The following H3C8 variants were observed in gnomAD, a reference collection of about 807,000 sequenced individuals.
H3C8 encodes the protein histone H3.1.
In H3C8, 15 loss-of-function variants were observed where a neutral mutation model predicts 7.9. The observed-to-expected ratio is 1.90, with a 90% confidence interval of 1.27 to 2.93. The LOEUF (loss-of-function observed/expected upper bound fraction) is 2.93. H3C8 is among the 30% of genes most tolerant of loss of function. H3C8 has a pLI of 0.00. For synonymous variants in H3C8, 143 were observed against 77.6 expected (o/e 1.84, Z -4.43); for missense variants, 230 against 190.4 (o/e 1.21, Z -1.23).
In H3C8 at chr6:26,271,298, G is replaced by A. The variant is rs760606364; in HGVS notation, c.87C>T (p.Ser29=). 6.8e-6 allele frequency: 11 copies of A among 1,613,826 alleles called. No individual in the cohort carries two copies. Among genetic ancestry groups the A allele is most frequent in the Middle Eastern group, 1.6e-4 (1 of 6,082 alleles). Residue 29 remains serine, a synonymous_variant, in exon 1 of 1, where the codon AGC becomes AGT. Transcript: ENST00000614378. The stretch of plus-strand genomic sequence containing the variant: ...TCTTCACGCCGCCGGTGGCCGGCGC[G>A]CTTTTCCGAGCCGCCTTAGTGGCCA... ...KQLATKAARK[S]APATGGVKKP...
In H3C8 at chr6:26,271,255, G is replaced by T; in HGVS notation, c.130C>A (p.Pro44Thr). Residue 44 changes from proline (P) to threonine (T), a missense_variant, in exon 1 of 1, where the codon CCC becomes ACC. Coordinates refer to ENST00000614378, the MANE Select transcript of H3C8 (RefSeq NM_003534.3). ...ATCTCGCGCAGAGCCACGGTGCCGG[G>T]ACGGTAGCGATGAGGTTTCTTCACG... ...GGVKKPHRYRPGTVALREIRR... is the reference protein window; with the variant it reads ...GGVKKPHRYRTGTVALREIRR... The T allele has an allele frequency of 6.2e-7, 1 of 1,614,238 alleles. No individual in the cohort carries two copies. Among genetic ancestry groups the T allele is most frequent in the Non-Finnish European group, 8.5e-7 (1 of 1,180,036 alleles).
At position 26,271,288 on chromosome 6, in the gene H3C8, T is replaced by A. The variant is rs1373122224; in HGVS notation, c.97A>T (p.Thr33Ser). The change falls in exon 1 of 1, where the codon ACC becomes TCC. Residue 33 changes from threonine to serine, a missense_variant. Coordinates refer to ENST00000614378, the MANE Select transcript of H3C8 (RefSeq NM_003534.3). ...TKAARKSAPA[T>S]GGVKKPHRYR... ...CGATGAGGTTTCTTCACGCCGCCGG[T>A]GGCCGGCGCGCTTTTCCGAGCCGCC... 6.2e-7 allele frequency: 1 copy of A among 1,613,984 alleles called. No homozygotes were observed. The highest frequency in any genetic ancestry group is 2.2e-5 in the East Asian group (1 of 44,882).
Position 26,271,228 on chromosome 6 carries a change from G to C in H3C8, c.157C>G (p.Arg53Gly). 6.2e-7 allele frequency: 1 copy of C among 1,614,268 alleles called. No individual in the cohort carries two copies. Among genetic ancestry groups the C allele is most frequent in the Non-Finnish European group, 8.5e-7 (1 of 1,180,042 alleles). ...RPGTVALREI[R>G]RYQKSTELLI... Reference sequence around the variant, plus strand: ...AGCTCAGTCGACTTCTGATAGCGGCGAATCTCGCGCAGAGCCACGGTGCCG... The same window carrying C: ...AGCTCAGTCGACTTCTGATAGCGGCCAATCTCGCGCAGAGCCACGGTGCCG... Residue 53 changes from arginine (R) to glycine (G), a missense_variant, in exon 1 of 1, where the codon CGC becomes GGC. Physicochemically the swap from Arg to Gly is moderately radical, Grantham distance 125 (BLOSUM62 -2). Transcript: ENST00000614378.
rs776947316 is a variant in H3C8 at position 26,271,007 on chromosome 6, C to T, written c.378G>A (p.Gln126=). The stretch of plus-strand genomic sequence containing the variant: ...TCTCCCCACGAATGCGGCGAGCGAG[C>T]TGAATGTCCTTGGGCATGATAGTCA... ...KRVTIMPKDI[Q]LARRIRGERA Residue 126 remains glutamine (Q), a synonymous_variant, in exon 1 of 1, where the codon CAG becomes CAA. Transcript: ENST00000614378. 6.2e-7 allele frequency: 1 copy of T among 1,614,092 alleles called. No homozygotes were observed. Among genetic ancestry groups the T allele is most frequent in the African/African-American group, 1.3e-5 (1 of 74,946 alleles).
At position 26,270,964 on chromosome 6, in the gene H3C8, C is replaced by T. The variant is rs1485976802; in HGVS notation, c.*10G>A. The stretch of plus-strand genomic sequence containing the variant: ...TTTTTAAGTTGGATAGAATTACTGC[C>T]CGGAAACCTCTACGCTCTCTCCCCA... On this transcript the variant is annotated 3_prime_UTR_variant, in exon 1 of 1. Coordinates refer to ENST00000614378, the MANE Select transcript of H3C8 (RefSeq NM_003534.3). The T allele has an allele frequency of 1.9e-6, 3 of 1,611,198 alleles. No individual in the cohort carries two copies. The highest frequency in any genetic ancestry group is 2.5e-6 in the Non-Finnish European group (3 of 1,179,234).
At position 26,271,282 on chromosome 6, in the gene H3C8, C is replaced by T. The variant is rs1760450586; in HGVS notation, c.103G>A (p.Gly35Ser). Reference sequence around the variant, plus strand: ...CGGTAGCGATGAGGTTTCTTCACGCCGCCGGTGGCCGGCGCGCTTTTCCGA... The same window carrying T: ...CGGTAGCGATGAGGTTTCTTCACGCTGCCGGTGGCCGGCGCGCTTTTCCGA... ...AARKSAPATGGVKKPHRYRPG... is the reference protein window; with the variant it reads ...AARKSAPATGSVKKPHRYRPG... Residue 35 changes from glycine (G) to serine (S), a missense_variant, in exon 1 of 1, where the codon GGC (glycine) becomes AGC (serine). Physicochemically the swap from Gly to Ser is moderately conservative, Grantham distance 56. Coordinates refer to ENST00000614378, the MANE Select transcript of H3C8 (RefSeq NM_003534.3). 1 of 1,614,020 alleles carries T rather than the reference C, an allele frequency of 6.2e-7. No individual in the cohort carries two copies. Among genetic ancestry groups the T allele is most frequent in the Non-Finnish European group, 8.5e-7 (1 of 1,179,980 alleles).
At position 26,271,348 on chromosome 6, in the gene H3C8, C is replaced by A; in HGVS notation, c.37G>T (p.Gly13Cys). The A allele has an allele frequency of 6.2e-7, 1 of 1,613,636 alleles. No individual in the cohort carries two copies. The change falls in exon 1 of 1, where the codon GGT becomes TGT. Residue 13 changes from glycine to cysteine, a missense_variant. By Grantham distance (159) the Gly-to-Cys change is radical. Transcript: ENST00000614378. ...RTKQTARKSTGGKAPRKQLAT... is the reference protein window; with the variant it reads ...RTKQTARKSTCGKAPRKQLAT... The stretch of plus-strand genomic sequence containing the variant: ...AGCTGCTTGCGCGGCGCTTTGCCAC[C>A]GGTGGACTTGCGTGCAGTCTGCTTG...
Position 26,270,974 on chromosome 6 carries a change from C to A in H3C8, c.411G>T (p.Ter137TyrextTer?), listed in dbSNP as rs767426202. 1.9e-6 allele frequency: 3 copies of A among 1,614,004 alleles called. No homozygotes were observed. The highest frequency in any genetic ancestry group is 1.1e-5 in the South Asian group (1 of 91,062). The stretch of plus-strand genomic sequence containing the variant: ...GGATAGAATTACTGCCCGGAAACCT[C>A]TACGCTCTCTCCCCACGAATGCGGC... Reference protein sequence around the residue: ...LARRIRGERA* With the variant: ...LARRIRGERAY The change falls in exon 1 of 1, where the codon TAG becomes TAT. Residue 137 changes from the stop codon to tyrosine (Y), a stop_lost. Coordinates refer to ENST00000614378, the MANE Select transcript of H3C8 (RefSeq NM_003534.3).
chr6:26,271,039 T>TA lies in H3C8; in HGVS notation c.345dup (p.Lys116Ter), dbSNP rs781175505. 1 of 1,614,224 alleles carries TA rather than the reference T, an allele frequency of 6.2e-7. No homozygotes were observed. The highest frequency in any genetic ancestry group is 8.5e-7 in the Non-Finnish European group (1 of 1,180,026). On this transcript the variant is annotated frameshift_variant, in exon 1 of 1. Coordinates refer to ENST00000614378, the MANE Select transcript of H3C8 (RefSeq NM_003534.3). LOFTEE classifies it high-confidence loss of function. ...TCCTTGGGCATGATAGTCACTCGCT[T>TA]AGCATGGATGGCACACAGGTTGGTA... is the stretch of plus-strand genomic sequence containing the variant.
In H3C8 at chr6:26,270,918, TAGGCGGCTCTTA is replaced by T; in HGVS notation, c.*44_*55del. On this transcript the variant is annotated 3_prime_UTR_variant, in exon 1 of 1. Transcript: ENST00000614378. Reference sequence around the variant, plus strand: ...AATCACAGCTATTTTCGGGTGAAAGTAGGCGGCTCTTAAAAGAGCCTTTTTAAGTTGGATAGA... The same window carrying T: ...AATCACAGCTATTTTCGGGTGAAAGTAAAGAGCCTTTTTAAGTTGGATAGA... The T allele has an allele frequency of 6.5e-7, 1 of 1,534,092 alleles. No individual in the cohort carries two copies. The highest frequency in any genetic ancestry group is 8.9e-7 in the Non-Finnish European group (1 of 1,124,962).
chr6:26,271,121 G>A lies in H3C8; in HGVS notation c.264C>T (p.Ser88=), dbSNP rs267600909. The change falls in exon 1 of 1, where the codon TCC becomes TCT. Residue 88 remains serine (S), a synonymous_variant. Coordinates refer to ENST00000614378, the MANE Select transcript of H3C8 (RefSeq NM_003534.3). ...AGGCCTCCTGCAGGGCCATCACCGC[G>A]GAACTCTGAAAGCGCAGATCTGTCT... ...DFKTDLRFQS[S]AVMALQEACE... is the part of the protein sequence containing the mutation. 2.1e-5 allele frequency: 34 copies of A among 1,614,116 alleles called. No homozygotes were observed. Among genetic ancestry groups the A allele is most frequent in the Non-Finnish European group, 4.2e-6 (5 of 1,180,052 alleles).
chr6:26,271,086 T>A lies in H3C8; in HGVS notation c.299A>T (p.Tyr100Phe). 16 of 1,614,228 alleles carry A rather than the reference T, an allele frequency of 9.9e-6. No individual in the cohort carries two copies. The highest frequency in any genetic ancestry group is 1.4e-5 in the Non-Finnish European group (16 of 1,180,026). Residue 100 changes from tyrosine to phenylalanine, a missense_variant, in exon 1 of 1, where the codon TAC becomes TTC. Coordinates refer to ENST00000614378, the MANE Select transcript of H3C8 (RefSeq NM_003534.3). ...VMALQEACEAYLVGLFEDTNL... is the reference protein window; with the variant it reads ...VMALQEACEAFLVGLFEDTNL... ...GGTATCCTCAAAGAGCCCCACCAAGTAGGCCTCGCAGGCCTCCTGCAGGGC... is the reference window on the plus strand; with the variant it reads ...GGTATCCTCAAAGAGCCCCACCAAGAAGGCCTCGCAGGCCTCCTGCAGGGC...
Position 26,271,144 on chromosome 6 carries a change from T to A in H3C8, c.241A>T (p.Thr81Ser). 1 of 1,614,252 alleles carries A rather than the reference T, an allele frequency of 6.2e-7. No homozygotes were observed. Among genetic ancestry groups the A allele is most frequent in the Non-Finnish European group, 8.5e-7 (1 of 1,180,050 alleles). Reference protein sequence around the residue: ...LVREIAQDFKTDLRFQSSAVM... With the variant: ...LVREIAQDFKSDLRFQSSAVM... The stretch of plus-strand genomic sequence containing the variant: ...GCGGAACTCTGAAAGCGCAGATCTG[T>A]CTTGAAGTCCTGAGCGATTTCTCGC... The change falls in exon 1 of 1, where the codon ACA becomes TCA. Residue 81 changes from threonine (T) to serine (S), a missense_variant. Transcript: ENST00000614378.
At position 26,270,976 on chromosome 6, in the gene H3C8, A is replaced by G. The variant is rs750189838; in HGVS notation, c.409T>C (p.Ter137GlnextTer?). The change falls in exon 1 of 1, where the codon TAG (stop) becomes CAG (glutamine). Residue 137 changes from the stop codon to glutamine, a stop_lost. Transcript: ENST00000614378. ...LARRIRGERA[*>Q] ...ATAGAATTACTGCCCGGAAACCTCT[A>G]CGCTCTCTCCCCACGAATGCGGCGA... is the stretch of plus-strand genomic sequence containing the variant. The G allele has an allele frequency of 7.4e-6, 12 of 1,614,008 alleles. No individual in the cohort carries two copies. The highest frequency in any genetic ancestry group is 1.0e-5 in the Non-Finnish European group (12 of 1,179,978).
chr6:26,271,075 G>T lies in H3C8; in HGVS notation c.310C>A (p.Leu104Ile). The change falls in exon 1 of 1, where the codon CTC becomes ATC. Residue 104 changes from leucine to isoleucine, a missense_variant. By Grantham distance (5) the Leu-to-Ile change is conservative. Coordinates refer to ENST00000614378, the MANE Select transcript of H3C8 (RefSeq NM_003534.3). ...GCACACAGGTTGGTATCCTCAAAGA[G>T]CCCCACCAAGTAGGCCTCGCAGGCC... ...QEACEAYLVGLFEDTNLCAIH... is the reference protein window; with the variant it reads ...QEACEAYLVGIFEDTNLCAIH... 1 of 1,614,220 alleles carries T rather than the reference G, an allele frequency of 6.2e-7. No homozygotes were observed. The highest frequency in any genetic ancestry group is 8.5e-7 in the Non-Finnish European group (1 of 1,180,026).
At position 26,271,161 on chromosome 6, in the gene H3C8, A is replaced by G. The variant is rs752405899; in HGVS notation, c.224T>C (p.Ile75Thr). The G allele has an allele frequency of 4.3e-6, 7 of 1,614,210 alleles. No homozygotes were observed. The highest frequency in any genetic ancestry group is 5.9e-6 in the Non-Finnish European group (7 of 1,180,040). ...CAGATCTGTCTTGAAGTCCTGAGCG[A>G]TTTCTCGCACCAGGCGTTGGAAAGG... ...KLPFQRLVREIAQDFKTDLRF... is the reference protein window; with the variant it reads ...KLPFQRLVRETAQDFKTDLRF... The change falls in exon 1 of 1, where the codon ATC (isoleucine) becomes ACC (threonine). Residue 75 changes from isoleucine (I) to threonine (T), a missense_variant. Physicochemically the swap from Ile to Thr is moderately conservative, Grantham distance 89. Transcript: ENST00000614378.
Position 26,271,276 on chromosome 6 carries a change from T to C in H3C8, c.109A>G (p.Lys37Glu). ...RKSAPATGGVKKPHRYRPGTV... is the reference protein window; with the variant it reads ...RKSAPATGGVEKPHRYRPGTV... ...CCGGGACGGTAGCGATGAGGTTTCT[T>C]CACGCCGCCGGTGGCCGGCGCGCTT... is the stretch of plus-strand genomic sequence containing the variant. Residue 37 changes from lysine (K) to glutamate (E), a missense_variant, in exon 1 of 1, where the codon AAG becomes GAG. By Grantham distance (56) the Lys-to-Glu change is moderately conservative (BLOSUM62 1). Transcript: ENST00000614378. 1 of 1,614,120 alleles carries C rather than the reference T, an allele frequency of 6.2e-7. No individual in the cohort carries two copies. The highest frequency in any genetic ancestry group is 8.5e-7 in the Non-Finnish European group (1 of 1,180,008).
chr6:26,270,991 G>T lies in H3C8; in HGVS notation c.394C>A (p.Arg132Ser). Reference sequence around the variant, plus strand: ...GGAAACCTCTACGCTCTCTCCCCACGAATGCGGCGAGCGAGCTGAATGTCC... The same window carrying T: ...GGAAACCTCTACGCTCTCTCCCCACTAATGCGGCGAGCGAGCTGAATGTCC... ...PKDIQLARRI[R>S]GERA The change falls in exon 1 of 1, where the codon CGT (arginine) becomes AGT (serine). Residue 132 changes from arginine to serine, a missense_variant. Arg to Ser is a moderately radical substitution (Grantham distance 110). Transcript: ENST00000614378. 1 of 1,614,202 alleles carries T rather than the reference G, an allele frequency of 6.2e-7. No individual in the cohort carries two copies. The highest frequency in any genetic ancestry group is 8.5e-7 in the Non-Finnish European group (1 of 1,180,028).
chr6:26,271,264 G>A lies in H3C8; in HGVS notation c.121C>T (p.Arg41Cys). The A allele has an allele frequency of 6.2e-7, 1 of 1,614,232 alleles. No homozygotes were observed. The highest frequency in any genetic ancestry group is 8.5e-7 in the Non-Finnish European group (1 of 1,180,018). The change falls in exon 1 of 1, where the codon CGC (arginine) becomes TGC (cysteine). Residue 41 changes from arginine to cysteine, a missense_variant. Arg to Cys is a radical substitution (Grantham distance 180). Transcript: ENST00000614378. ...PATGGVKKPH[R>C]YRPGTVALRE... The stretch of plus-strand genomic sequence containing the variant: ...AGAGCCACGGTGCCGGGACGGTAGC[G>A]ATGAGGTTTCTTCACGCCGCCGGTG...
Sources: allele counts gnomAD v4.1 joint callset, GRCh38; gene constraint gnomAD v4.1.1; transcripts MANE v1.5; gene names NCBI Gene and HGNC (gene_info 2026-07-23, HGNC 2026-07-21).